The following PNPLA7 variants were observed in gnomAD, a reference collection of about 807,000 sequenced individuals.
PNPLA7 encodes patatin-like phospholipase domain-containing protein 7.
Under a neutral mutation model 161.7 loss-of-function variants are expected in PNPLA7, and 153 were observed. The ratio of observed to expected loss-of-function variants is 0.95; its 90% CI spans 0.83 to 1.08. The LOEUF is 1.08. Ranked by LOEUF, PNPLA7 falls within the 50% of genes least tolerant of loss-of-function variation. The pLI is 0.00. For synonymous variants in PNPLA7, 809 were observed against 782.1 expected, an observed-to-expected ratio of 1.03 and a Z score of -0.57; for missense variants, 1,739 against 1,856.6, an observed-to-expected ratio of 0.94 and a Z score of 1.16.
chr9:137,472,425 C>A (rs1037611954), intron 25 of PNPLA7, among the ~76,000 whole-genome samples: 2 of 151,564 alleles, frequency 1.3e-5, no homozygotes, highest in South Asian at 4.2e-4. Flanking sequence ...CCGAGGTGGG[C>A]GGATCACTTG....
At chr9:137,501,461 G>A (rs1181787661) in intron 15 of PNPLA7, among the ~76,000 whole-genome samples, 189 bp downstream of exon 15, 1 of 152,242 alleles carries the variant, frequency 6.6e-6, no homozygotes, top group Non-Finnish European at 1.5e-5. Flanking sequence ...GGCCAAAGGT[G>A]GACACAGCTC....
chr9:137,520,582 C>T lies in PNPLA7; in HGVS notation c.958-539G>A, dbSNP rs1033788636. Among the ~76,000 whole-genome samples the T allele has an allele frequency of 6.6e-6, 1 of 152,178 alleles. No homozygotes were observed. The highest frequency in any genetic ancestry group is 1.5e-5 in the Non-Finnish European group (1 of 68,032). ...TAATGCGTGCTGGGCCTTTACTAACCGAGCTCCACTTGCCCCATGACTAAA... is the reference window on the plus strand; with the variant it reads ...TAATGCGTGCTGGGCCTTTACTAACTGAGCTCCACTTGCCCCATGACTAAA... On this transcript the variant is annotated intron_variant, in intron 10 of 34. Coordinates refer to ENST00000406427, the MANE Select transcript of PNPLA7 (RefSeq NM_001098537.3). The surrounding 1 kb of genome is among the most constrained non-coding windows in gnomAD (Gnocchi z 5.2).
chr9:137,496,047 G>A (rs1433630266), intron 18 of PNPLA7, among the ~76,000 whole-genome samples: 1 of 151,994 alleles, frequency 6.6e-6, no homozygotes, highest in African/African-American at 2.4e-5. Flanking sequence ...TCCGACCTCA[G>A]AGGCTGCCTG....
chr9:137,505,187 CAAAA>C (rs1030910942), intron 14 of PNPLA7, among the ~76,000 whole-genome samples: 2 of 57,036 alleles, frequency 3.5e-5, no homozygotes, highest in Non-Finnish European at 5.9e-5. Flanking sequence ...GACTCTGTCT[CAAAA>C]AAAAAAAAAA....
rs1466999136 is a variant in PNPLA7 at position 137,460,366 on chromosome 9, T to G, written c.*27A>C. 1 of 1,599,176 alleles carries G rather than the reference T, an allele frequency of 6.3e-7. No homozygotes were observed. Among genetic ancestry groups the G allele is most frequent in the African/African-American group, 1.3e-5 (1 of 74,684 alleles). On this transcript the variant is annotated 3_prime_UTR_variant, in exon 35 of 35. Transcript: ENST00000406427. ...TTGGGGACAGTCCCACGGAAGACGC[T>G]GCATCCGGGCTCTTTAGCAGAGGCC...
Position 137,537,744 on chromosome 9 carries a change from C to T in PNPLA7, c.747+2898G>A, listed in dbSNP as rs1268847586. 3.3e-5 allele frequency among the ~76,000 whole-genome samples: 5 copies of T among 152,268 alleles called. No homozygotes were observed. Among genetic ancestry groups the T allele is most frequent in the African/African-American group, 9.6e-5 (4 of 41,522 alleles). Reference sequence around the variant, plus strand: ...CTGAGAGGAACCCGGCCCGTCTCAGCGCACAGCTCCCCTCTCCTGGAACAG... The same window carrying T: ...CTGAGAGGAACCCGGCCCGTCTCAGTGCACAGCTCCCCTCTCCTGGAACAG... On this transcript the variant is annotated intron_variant, in intron 8 of 34. Transcript: ENST00000406427. The surrounding 1 kb of genome is among the most constrained non-coding windows in gnomAD (Gnocchi z 4.5).
intron 25 of PNPLA7, among the ~76,000 whole-genome samples, chr9:137,470,678 A>G (rs945824242): frequency 2.0e-5 from 3 of 152,264 alleles, no homozygotes; most frequent in African/African-American, 7.2e-5. Context: ...AGACATTTCA[A>G]AAAAGGACAA....
intron 22 of PNPLA7, 60 bp from the exon 23 acceptor site, chr9:137,480,540 G>A: frequency 2.0e-6 from 3 of 1,534,464 alleles, no homozygotes; most frequent in Non-Finnish European, 2.6e-6. Context: ...CTTAGCACAT[G>A]TCCCCGGGGC....
intron 23 of PNPLA7, chr9:137,479,741 G>A (rs1350263344): frequency 1.0e-6 from 1 of 985,316 alleles, no homozygotes; most frequent in Non-Finnish European, 1.2e-6. Flanking sequence ...ATGAGCCCGA[G>A]GCCTCGCCTG....
At chr9:137,494,111 C>G (rs1222782628) in intron 19 of PNPLA7, among the ~76,000 whole-genome samples, 1 of 152,116 alleles carries the variant, frequency 6.6e-6, no homozygotes, top group African/African-American at 2.4e-5. Flanking sequence ...ACACCTGCAC[C>G]CCCTTTCCAT....
Position 137,495,111 on chromosome 9 carries a change from C to T in PNPLA7, c.2049G>A (p.Thr683=), listed in dbSNP as rs143122291. ...ETLTHQARAT[T]VHAVRDSELA... Reference sequence around the variant, plus strand: ...ATTCTGAGTCCCGAACGGCATGCACCGTGGTCGCCCGGGCCTGGTGGGTCA... The same window carrying T: ...ATTCTGAGTCCCGAACGGCATGCACTGTGGTCGCCCGGGCCTGGTGGGTCA... Residue 683 remains threonine, a synonymous_variant, in exon 19 of 35, where the codon ACG becomes ACA. Coordinates refer to ENST00000406427, the MANE Select transcript of PNPLA7 (RefSeq NM_001098537.3). The T allele has an allele frequency of 1.1e-4, 170 of 1,606,850 alleles. No individual in the cohort carries two copies. In the East Asian group the frequency reaches 1.9e-3, roughly 18 times the overall value.
rs1832511990 is a variant in PNPLA7 at position 137,486,861 on chromosome 9, C to T, written c.2198-2125G>A. On this transcript the variant is annotated intron_variant, in intron 20 of 34. Coordinates refer to ENST00000406427, the MANE Select transcript of PNPLA7 (RefSeq NM_001098537.3). The surrounding 1 kb of genome is among the most constrained non-coding windows in gnomAD (Gnocchi z 6.0). Reference sequence around the variant, plus strand: ...ACAAGCCAGAGTCTGCAGCCTCAGCCCATCTGCGGTCCCTGAGAGCTGCTG... The same window carrying T: ...ACAAGCCAGAGTCTGCAGCCTCAGCTCATCTGCGGTCCCTGAGAGCTGCTG... 6.6e-6 allele frequency among the ~76,000 whole-genome samples: 1 copy of T among 152,272 alleles called. No homozygotes were observed. The highest frequency in any genetic ancestry group is 1.9e-4 in the East Asian group (1 of 5,176).
Position 137,495,056 on chromosome 9 carries a change from A to T in PNPLA7, c.2104T>A (p.Ser702Thr). The change falls in exon 19 of 35, where the codon TCC becomes ACC. Residue 702 changes from serine (S) to threonine (T), a missense_variant. Around this residue, in one of 6 missense-constraint regions of PNPLA7, gnomAD observed 192 missense variants for 249.5 expected, o/e 0.77. Coordinates refer to ENST00000406427, the MANE Select transcript of PNPLA7 (RefSeq NM_001098537.3). ...LAKLPAGALT[S>T]IKRRYPQVVT... ...ACCTGTGGGTACCTGCGCTTGATGG[A>T]CGTGAGGGCTCCTGCCGGCAGCTTG... is the stretch of plus-strand genomic sequence containing the variant. 3 of 1,610,516 alleles carry T rather than the reference A, an allele frequency of 1.9e-6. No homozygotes were observed. The highest frequency in any genetic ancestry group is 2.5e-6 in the Non-Finnish European group (3 of 1,179,414).
intron 25 of PNPLA7, among the ~76,000 whole-genome samples, chr9:137,471,485 G>A (rs868818354): frequency 2.6e-5 from 4 of 151,510 alleles, no homozygotes; most frequent in African/African-American, 9.7e-5. Flanking sequence ...TGTAATCCCA[G>A]CTCCTCAGGA....
At chr9:137,525,846 G>A (rs981830016) in intron 8 of PNPLA7, among the ~76,000 whole-genome samples, 2 of 149,634 alleles carry the variant, frequency 1.3e-5, no homozygotes, top group Admixed American at 1.3e-4. Context: ...CTAAGCAGTG[G>A]GTGTCTTCCC....
intron 12 of PNPLA7, among the ~76,000 whole-genome samples, chr9:137,513,490 A>T (rs1444700604): frequency 2.0e-5 from 3 of 151,886 alleles, no homozygotes; most frequent in African/African-American, 7.2e-5. Flanking sequence ...AAAAAAAAAA[A>T]TTAAAAAACA....
intron 25 of PNPLA7, among the ~76,000 whole-genome samples, chr9:137,472,354 C>T (rs1831742397): frequency 6.6e-6 from 1 of 151,824 alleles, no homozygotes; most frequent in African/African-American, 2.4e-5. Context: ...AGCCACTGTA[C>T]CCAGCCTAAA....
chr9:137,492,233 C>A (rs963658356), intron 20 of PNPLA7: 1 of 985,262 alleles, frequency 1.0e-6, no homozygotes. Context: ...AGAATGGTCT[C>A]ATTATCTTTC....
At chr9:137,507,294 G>A (rs1833976390) in intron 12 of PNPLA7, among the ~76,000 whole-genome samples, 3 of 152,390 alleles carry the variant, frequency 2.0e-5, no homozygotes, top group African/African-American at 4.8e-5. Context: ...TGGGCTGGGC[G>A]AGAGGAGCGC....
Sources: gnomAD v4.1 joint callset for allele counts (sites outside exome capture counted in the v4.1 genomes callset) on GRCh38, gnomAD v4.1.1 for gene constraint, gnomAD v4.1.1 regional missense constraint, Gnocchi (gnomAD v3.1) non-coding constraint, MANE v1.5 for transcripts, NCBI Gene and HGNC (gene_info 2026-07-23, HGNC 2026-07-21) for gene names.